Variants in CPAP observed in about 807,000 individuals in gnomAD.
CPAP encodes centrosome assembly and centriole elongation protein, also known as centrosomal P4.1-associated protein.
the CPAP span, among the ~76,000 whole-genome samples, chr13:24,901,339 A>G: frequency 2.0e-5 from 3 of 152,254 alleles, no homozygotes; most frequent in Non-Finnish European, 4.4e-5. Flanking sequence ...AACTTTATCA[A>G]TAATTAAATA....
At chr13:24,887,289 G>A in the CPAP span, among the ~76,000 whole-genome samples, 1 of 152,092 alleles carries the variant, frequency 6.6e-6, no homozygotes. Context: ...TTATACCAGG[G>A]GGCCCCAAAC....
At chr13:24,888,567 TCTG>T in the CPAP span, among the ~76,000 whole-genome samples, 1 of 149,188 alleles carries the variant, frequency 6.7e-6, no homozygotes, top group South Asian at 2.1e-4. Context: ...AAGAGCATAC[TCTG>T]CTGACAGTAA....
At chr13:24,906,202 C>T in the CPAP span, 1 of 1,613,122 alleles carries the variant, frequency 6.2e-7, no homozygotes, top group Non-Finnish European at 8.5e-7. Context: ...TGGAAGACAT[C>T]CGGTGACCTT....
the CPAP span, chr13:24,912,070 CT>C: frequency 1.9e-6 from 3 of 1,612,850 alleles, no homozygotes; most frequent in Non-Finnish European, 2.5e-6. Context: ...CTTCTTTCAG[CT>C]TTTTAAATAC....
At chr13:24,924,318 T>C in the CPAP span, among the ~76,000 whole-genome samples, 6 of 58,182 alleles carry the variant, frequency 1.0e-4, no homozygotes, top group African/African-American at 3.0e-4. Context: ...TCTTTAAGGA[T>C]AGTCGCAATA....
the CPAP span, chr13:24,885,242 T>G: frequency 7.3e-7 from 1 of 1,368,214 alleles, no homozygotes; most frequent in East Asian, 2.3e-5. Flanking sequence ...GTTTATTTTT[T>G]ATAGAATTCA....
At chr13:24,930,641 A>C in the CPAP span, among the ~76,000 whole-genome samples, 1 of 152,208 alleles carries the variant, frequency 6.6e-6, no homozygotes, top group African/African-American at 2.4e-5. Context: ...AAAGGACATG[A>C]TTTCATTCTT....
chr13:24,892,575 A>G, the CPAP span: 2 of 1,232,166 alleles, frequency 1.6e-6, no homozygotes, highest in Non-Finnish European at 2.4e-6. Context: ...TTCTGACTCT[A>G]TGAATTTGAA....
chr13:24,919,975 T>C, the CPAP span, among the ~76,000 whole-genome samples: 1 of 151,970 alleles, frequency 6.6e-6, no homozygotes, highest in South Asian at 2.1e-4. Context: ...TGTCCCTATG[T>C]TGCCCAGGCT....
At chr13:24,884,454 CCTT>C in the CPAP span, 1 of 1,614,078 alleles carries the variant, frequency 6.2e-7, no homozygotes, top group East Asian at 2.2e-5. Flanking sequence ...TTCTTATAAA[CCTT>C]TTCCACCTAA....
At chr13:24,906,945 A>G in the CPAP span, 1 of 1,613,830 alleles carries the variant, frequency 6.2e-7, no homozygotes, top group Non-Finnish European at 8.5e-7. Context: ...TTGATTGGCA[A>G]TGGTCCTTCT....
At chr13:24,905,758 A>G in the CPAP span, 1 of 1,614,192 alleles carries the variant, frequency 6.2e-7, no homozygotes, top group East Asian at 2.2e-5. Flanking sequence ...TGTAATCTTT[A>G]TCAGACAAAT....
chr13:24,913,121 T>G, the CPAP span: 1 of 1,084,060 alleles, frequency 9.2e-7, no homozygotes, highest in African/African-American at 1.6e-5. Context: ...ACAAAATGTA[T>G]TAGGTAAAGC....
At chr13:24,922,991 G>A in the CPAP span, 1 of 152,342 alleles carries the variant, frequency 6.6e-6, no homozygotes, top group African/African-American at 2.4e-5. Flanking sequence ...GCCCGGCGGG[G>A]GATGGACTGC....
chr13:24,929,218 C>T, the CPAP span, among the ~76,000 whole-genome samples: 1 of 152,144 alleles, frequency 6.6e-6, no homozygotes, highest in Admixed American at 6.5e-5. Flanking sequence ...CATGTGCCAC[C>T]ACATCCAGCT....
At chr13:24,906,210 C>T in the CPAP span, 2 of 1,611,836 alleles carry the variant, frequency 1.2e-6, no homozygotes, top group Non-Finnish European at 1.7e-6. Flanking sequence ...ATCCGGTGAC[C>T]TTTGCAGATC....
At chr13:24,932,187 A>G in the CPAP span, among the ~76,000 whole-genome samples, 1 of 152,122 alleles carries the variant, frequency 6.6e-6, no homozygotes, top group Non-Finnish European at 1.5e-5. Flanking sequence ...CCAAACCGAC[A>G]CGGGACTCGG....
At chr13:24,918,320 A>G in the CPAP span, among the ~76,000 whole-genome samples, 1 of 152,246 alleles carries the variant, frequency 6.6e-6, no homozygotes, top group African/African-American at 2.4e-5. Flanking sequence ...ACTAATATTG[A>G]GACATTTTCA....
chr13:24,925,039 A>G, the CPAP span, among the ~76,000 whole-genome samples: 1 of 152,148 alleles, frequency 6.6e-6, no homozygotes, highest in Non-Finnish European at 1.5e-5. Flanking sequence ...CTGTTGGTGA[A>G]CTCTTGTCTA....
Sources: gnomAD v4.1 joint callset for allele counts (sites outside exome capture counted in the v4.1 genomes callset) on GRCh38, gnomAD v4.1.1 for gene constraint, MANE v1.5 for transcripts, NCBI Gene and HGNC (gene_info 2026-07-23, HGNC 2026-07-21) for gene names.